Variants in FSTL5 observed in about 807,000 individuals in gnomAD.
FSTL5 encodes the protein follistatin-related protein 5.
FSTL5 carries 62 observed loss-of-function variants against 89.1 expected under a neutral mutation model. The observed-to-expected ratio is 0.70, with a 90% CI of 0.57 to 0.86. The LOEUF (loss-of-function observed/expected upper bound fraction) is 0.86. FSTL5 is among the 40% of genes least tolerant of loss of function. The pLI is 0.00. For missense variants in FSTL5, 1,057 were observed against 1,001.6 expected, an observed-to-expected ratio of 1.06 and a Z score of -0.75; for synonymous variants, 383 against 346.2, an observed-to-expected ratio of 1.11 and a Z score of -1.18.
intron 6 of FSTL5, among the ~76,000 whole-genome samples, chr4:161,748,981 A>G (rs764948971): frequency 2.6e-5 from 4 of 152,146 alleles, no homozygotes; most frequent in Admixed American, 6.5e-5. Context: ...ATAAAATACC[A>G]TCTTACACCA....
chr4:162,140,422 G>T (rs1447116907), intron 1 of FSTL5, among the ~76,000 whole-genome samples: 3 of 145,896 alleles, frequency 2.1e-5, no homozygotes, highest in Non-Finnish European at 4.6e-5. Flanking sequence ...TTTAACTATT[G>T]AATCTTTACA....
chr4:161,533,893 T>A (rs1020990716), intron 10 of FSTL5, among the ~76,000 whole-genome samples: 4 of 152,124 alleles, frequency 2.6e-5, no homozygotes, highest in African/African-American at 7.2e-5. Flanking sequence ...CATGATCAAG[T>A]ATGCTTTATT....
intron 6 of FSTL5, among the ~76,000 whole-genome samples, chr4:161,693,957 C>T (rs1032129042): frequency 6.6e-6 from 1 of 151,936 alleles, no homozygotes; most frequent in Non-Finnish European, 1.5e-5. Context: ...TTCTTTTAAT[C>T]TGTGTAAAGG....
chr4:162,027,861 A>C (rs1229886249), intron 3 of FSTL5, among the ~76,000 whole-genome samples: 1 of 115,514 alleles, frequency 8.7e-6, no homozygotes, highest in Non-Finnish European at 1.8e-5. Flanking sequence ...ATGAGAGTGC[A>C]TTCTGCCCTC....
intron 6 of FSTL5, among the ~76,000 whole-genome samples, chr4:161,668,875 G>GCTGAGGTGGGTGGATCAC (rs1736986435): frequency 1.3e-5 from 2 of 152,062 alleles, no homozygotes; most frequent in Admixed American, 1.3e-4. Flanking sequence ...ACTTTGGGAG[G>GCTGAGGTGGGTGGATCAC]CTGAGGTGGG....
At chr4:161,976,104 C>A (rs567734783) in intron 3 of FSTL5, among the ~76,000 whole-genome samples, 2 of 126,068 alleles carry the variant, frequency 1.6e-5, no homozygotes, top group East Asian at 4.8e-4. Flanking sequence ...GGTGACAGAG[C>A]GAGACTCCGC....
At chr4:161,782,788 C>T (rs1741718889) in intron 4 of FSTL5, among the ~76,000 whole-genome samples, 1 of 152,142 alleles carries the variant, frequency 6.6e-6, no homozygotes, top group African/African-American at 2.4e-5. Context: ...GTCTCCAAAT[C>T]TATCTAAGCA....
At chr4:161,689,924 G>T (rs1737872974) in intron 6 of FSTL5, among the ~76,000 whole-genome samples, 1 of 151,936 alleles carries the variant, frequency 6.6e-6, no homozygotes, top group African/African-American at 2.4e-5. Flanking sequence ...CGTCTTTGTT[G>T]TTTCACTTAT....
intron 15 of FSTL5, among the ~76,000 whole-genome samples, chr4:161,395,212 G>T (rs1009342213): frequency 6.6e-5 from 10 of 151,998 alleles, no homozygotes; most frequent in African/African-American, 2.2e-4. Flanking sequence ...AAACATAGGG[G>T]CAAAGATGAT....
intron 3 of FSTL5, among the ~76,000 whole-genome samples, chr4:162,032,385 A>C (rs1002705701): frequency 6.6e-6 from 1 of 152,186 alleles, no homozygotes; most frequent in South Asian, 2.1e-4. Context: ...ACTTGGAGTT[A>C]ATATGAGTGC....
intron 10 of FSTL5, among the ~76,000 whole-genome samples, chr4:161,525,474 A>G (rs940789331): frequency 3.9e-5 from 6 of 152,204 alleles, no homozygotes; most frequent in African/African-American, 9.6e-5. Context: ...TAAGGTAACT[A>G]GCTTCACACA....
chr4:161,423,641 G>A (rs1289419209), intron 15 of FSTL5, among the ~76,000 whole-genome samples: 3 of 151,350 alleles, frequency 2.0e-5, no homozygotes, highest in Non-Finnish European at 2.9e-5. Flanking sequence ...TTGAATTTCC[G>A]GAGACTGAGA....
intron 4 of FSTL5, among the ~76,000 whole-genome samples, chr4:161,889,011 T>G (rs1579170670): frequency 6.6e-6 from 1 of 152,156 alleles, no homozygotes; most frequent in East Asian, 1.9e-4. Flanking sequence ...TTAGGTGTGT[T>G]AGGAATTAAG....
chr4:161,710,929 C>T (rs958735702), intron 6 of FSTL5, among the ~76,000 whole-genome samples: 7 of 151,936 alleles, frequency 4.6e-5, no homozygotes, highest in Non-Finnish European at 5.9e-5. Flanking sequence ...TTAGCACAGT[C>T]CTAAATAGAT....
intron 7 of FSTL5, among the ~76,000 whole-genome samples, chr4:161,599,813 T>A (rs536680688): frequency 5.1e-4 from 77 of 152,246 alleles, no homozygotes; most frequent in African/African-American, 1.7e-3. Flanking sequence ...TTTACATAGC[T>A]AACTGTTATT....
At chr4:161,976,397 A>T (rs191408897) in intron 3 of FSTL5, among the ~76,000 whole-genome samples, 41 of 152,296 alleles carry the variant, frequency 2.7e-4, no homozygotes, top group Non-Finnish European at 5.1e-4. Flanking sequence ...ATTCATCATC[A>T]TCAAAATTTC....
At chr4:161,505,367 A>G (rs1205391748) in intron 11 of FSTL5, among the ~76,000 whole-genome samples, 1 of 152,168 alleles carries the variant, frequency 6.6e-6, no homozygotes, top group Non-Finnish European at 1.5e-5. Context: ...CTAGAACAAG[A>G]CTTGCTTATC....
intron 6 of FSTL5, among the ~76,000 whole-genome samples, chr4:161,676,728 A>G (rs1737317879): frequency 6.6e-6 from 1 of 150,950 alleles, no homozygotes; most frequent in African/African-American, 2.4e-5. Flanking sequence ...TCGCTTCACT[A>G]TTTGGAAAAT....
At chr4:161,841,309 C>T (rs997736756) in intron 4 of FSTL5, among the ~76,000 whole-genome samples, 2 of 152,152 alleles carry the variant, frequency 1.3e-5, no homozygotes, top group Non-Finnish European at 2.9e-5. Context: ...GTTGCAATTT[C>T]TTAGCCATGT....
Sources: gnomAD v4.1 joint callset for allele counts (sites outside exome capture counted in the v4.1 genomes callset) on GRCh38, gnomAD v4.1.1 for gene constraint, MANE v1.5 for transcripts, NCBI Gene and HGNC (gene_info 2026-07-23, HGNC 2026-07-21) for gene names.